METTL15: variants seen among roughly 807,000 people sequenced by gnomAD.
METTL15 encodes the protein 12S rRNA N(4)-cytidine methyltransferase METTL15.
In METTL15, 34 loss-of-function variants were observed where a neutral mutation model predicts 38.3. The ratio of observed to expected loss-of-function variants is 0.89; its 90% CI spans 0.68 to 1.18. The LOEUF (loss-of-function observed/expected upper bound fraction) is 1.18, where lower values mean the gene tolerates loss of function less well. Among genes scored for constraint, METTL15 ranks in the 50% most tolerant of loss-of-function variants. The probability of loss-of-function intolerance (pLI) is 0.00; values close to 1 mark genes in which losing one functional copy is unlikely to be tolerated. For synonymous variants in METTL15, 162 were observed against 170.9 expected, an observed-to-expected ratio of 0.95 and a Z score of 0.41; for missense variants, 438 against 498.4, an observed-to-expected ratio of 0.88 and a Z score of 1.15.
Position 28,309,878 on chromosome 11 carries a change from T to G in METTL15, c.778+12947T>G, listed in dbSNP as rs142038303. Among the ~76,000 whole-genome samples the G allele has an allele frequency of 2.0e-5, 3 of 152,294 alleles. No homozygotes were observed. The East Asian group carries it at 5.8e-4, about 29-fold the overall frequency. ...CTGATGGTGGCTCTTAATTCAGTCA[T>G]CTCTTGTAAATATCCACCATTACCA... On this transcript the variant is annotated intron_variant, in intron 6 of 6. Transcript: ENST00000407364.
At chr11:28,251,778 TC>T (rs752605235) in intron 4 of METTL15, among the ~76,000 whole-genome samples, 112 of 152,090 alleles carry the variant, frequency 7.4e-4, no homozygotes, top group Admixed American at 3.9e-3. Flanking sequence ...TACCACTTGA[TC>T]CCTTAAAAAA....
downstream of METTL15, among the ~76,000 whole-genome samples, chr11:28,338,493 C>G (rs1322467632): frequency 6.6e-6 from 1 of 152,032 alleles, no homozygotes; most frequent in East Asian, 1.9e-4. Context: ...ATCAGTTTGT[C>G]TCTCTAACAC....
At chr11:28,223,954 A>G (rs1196721915) in intron 4 of METTL15, among the ~76,000 whole-genome samples, 1 of 152,106 alleles carries the variant, frequency 6.6e-6, no homozygotes, top group African/African-American at 2.4e-5. Context: ...TACTATGTAT[A>G]CTAAGTTTAG....
intron 4 of METTL15, among the ~76,000 whole-genome samples, chr11:28,280,210 C>T (rs1397387424): frequency 6.8e-6 from 1 of 147,446 alleles, no homozygotes; most frequent in African/African-American, 2.5e-5. Context: ...TTTTATTCTG[C>T]CTGAAGAAAA....
At chr11:28,506,789 G>A (rs1397819816) in intron 6 of METTL15, among the ~76,000 whole-genome samples, 1 of 144,088 alleles carries the variant, frequency 6.9e-6, no homozygotes, top group African/African-American at 2.6e-5. Flanking sequence ...CTGTTGCCCA[G>A]GATGGAGTGC....
intron 6 of METTL15, among the ~76,000 whole-genome samples, chr11:28,324,850 G>A (rs373096089): frequency 9.2e-5 from 14 of 152,276 alleles, no homozygotes; most frequent in African/African-American, 1.4e-4. Context: ...AATCGGGGCC[G>A]TAGGCAGGTG....
intron 3 of METTL15, among the ~76,000 whole-genome samples, chr11:28,198,948 A>G (rs1057217474): frequency 1.3e-5 from 2 of 151,732 alleles, no homozygotes; most frequent in Admixed American, 6.6e-5. Context: ...AGCAATTACA[A>G]ACATTTCAGG....
At chr11:28,205,313 G>A (rs184603990) in intron 3 of METTL15, among the ~76,000 whole-genome samples, 12 of 142,178 alleles carry the variant, frequency 8.4e-5, no homozygotes, top group Admixed American at 3.9e-4. Flanking sequence ...GTGTCCATGT[G>A]TTCTCCTTGT....
chr11:28,294,052 T>C (rs1856633189), intron 5 of METTL15, among the ~76,000 whole-genome samples: 1 of 152,142 alleles, frequency 6.6e-6, no homozygotes. Flanking sequence ...TTTATTTCCT[T>C]CTCCTGCCTA....
chr11:28,446,297 G>A (rs183693809), intron 6 of METTL15, among the ~76,000 whole-genome samples: 64 of 152,196 alleles, frequency 4.2e-4, no homozygotes, highest in South Asian at 1.0e-3. Flanking sequence ...TCTTCTAGAT[G>A]TGCCAGTCTA....
At chr11:28,158,149 T>C (rs1850328393) in intron 3 of METTL15, among the ~76,000 whole-genome samples, 1 of 152,124 alleles carries the variant, frequency 6.6e-6, no homozygotes, top group Non-Finnish European at 1.5e-5. Context: ...TGAAGAAATT[T>C]GGGGAACAGG....
At chr11:28,195,075 C>T (rs1032496188) in intron 3 of METTL15, among the ~76,000 whole-genome samples, 2 of 151,736 alleles carry the variant, frequency 1.3e-5, no homozygotes, top group Admixed American at 1.3e-4. Flanking sequence ...GTATATATAC[C>T]ACATTTTCTT....
intron 6 of METTL15, among the ~76,000 whole-genome samples, chr11:28,326,907 A>G (rs998656641): frequency 2.0e-5 from 3 of 151,890 alleles, no homozygotes; most frequent in African/African-American, 7.3e-5. Context: ...TTCCCTCCTA[A>G]AGGAATTACA....
At chr11:28,263,218 G>A (rs769415868) in intron 4 of METTL15, among the ~76,000 whole-genome samples, 11 of 152,014 alleles carry the variant, frequency 7.2e-5, no homozygotes, top group South Asian at 2.1e-4. Flanking sequence ...ATGGAGAAAT[G>A]TCATTGATTC....
At chr11:28,310,351 TACAC>T (rs111303962) in intron 6 of METTL15, among the ~76,000 whole-genome samples, 39 of 147,080 alleles carry the variant, frequency 2.7e-4, no homozygotes, top group African/African-American at 4.7e-4. Flanking sequence ...TGTTCAGAGG[TACAC>T]ACACACACAC....
chr11:28,173,829 A>G (rs1296421322), intron 3 of METTL15, among the ~76,000 whole-genome samples: 1 of 152,158 alleles, frequency 6.6e-6, no homozygotes, highest in Non-Finnish European at 1.5e-5. Flanking sequence ...ACAATCAGGT[A>G]TTTTGTAGAA....
intron 6 of METTL15, among the ~76,000 whole-genome samples, chr11:28,508,148 C>T (rs1158354272): frequency 6.6e-6 from 1 of 152,092 alleles, no homozygotes; most frequent in East Asian, 1.9e-4. Flanking sequence ...AGAGCCCTGC[C>T]TCTACCCTCA....
chr11:28,148,305 T>C (rs1211122229), intron 3 of METTL15, among the ~76,000 whole-genome samples: 1 of 151,948 alleles, frequency 6.6e-6, no homozygotes, highest in African/African-American at 2.4e-5. Context: ...CAGTAGGTTA[T>C]GGTAGCCTTA....
At chr11:28,321,866 C>T (rs1486351481) in intron 6 of METTL15, among the ~76,000 whole-genome samples, 3 of 151,668 alleles carry the variant, frequency 2.0e-5, no homozygotes, top group Admixed American at 6.6e-5. Context: ...AGAAACGCAT[C>T]AATGGAACAC....
Sources: allele counts gnomAD v4.1 joint callset (sites outside exome capture counted in the v4.1 genomes callset), GRCh38; gene constraint gnomAD v4.1.1; transcripts MANE v1.5; gene names NCBI Gene and HGNC (gene_info 2026-07-23, HGNC 2026-07-21).